The following LSAMP variants were observed in gnomAD, a reference collection of about 807,000 sequenced individuals.
LSAMP encodes the protein limbic system-associated membrane protein.
A neutral mutation model predicts 38.6 loss-of-function variants in LSAMP; 7 were observed. That is an observed-to-expected ratio of 0.18 (90% confidence interval 0.10 to 0.34). The LOEUF (loss-of-function observed/expected upper bound fraction) is 0.34, where lower values mean the gene tolerates loss of function less well. Ranked by LOEUF, LSAMP falls within the 10% of genes least tolerant of loss-of-function variation. The pLI, the probability that LSAMP is intolerant of heterozygous loss-of-function variation, is 1.00. For synonymous variants in LSAMP, 154 were observed against 166.8 expected (o/e 0.92, Z 0.59); for missense variants, 313 against 420.0 (o/e 0.75, Z 2.23).
chr3:115,882,709 C>T (rs1286223304), intron 3 of LSAMP, among the ~76,000 whole-genome samples: 3 of 151,948 alleles, frequency 2.0e-5, no homozygotes, highest in African/African-American at 7.2e-5. Flanking sequence ...AAAGAAAGGA[C>T]TACTTTACTG....
chr3:116,117,954 GTTTTTC>G (rs1446148371), intron 1 of LSAMP, among the ~76,000 whole-genome samples: 3 of 151,076 alleles, frequency 2.0e-5, no homozygotes, highest in Admixed American at 2.0e-4. Context: ...TTTTAAGATT[GTTTTTC>G]TTTTGAGTCA....
At chr3:116,384,555 A>G (rs932197224) in intron 1 of LSAMP, among the ~76,000 whole-genome samples, 2 of 152,124 alleles carry the variant, frequency 1.3e-5, no homozygotes, top group Non-Finnish European at 2.9e-5. Flanking sequence ...AATTAGACCC[A>G]TTAGCCTAGG....
At chr3:116,285,297 C>T (rs2047179245) in intron 1 of LSAMP, among the ~76,000 whole-genome samples, 1 of 152,118 alleles carries the variant, frequency 6.6e-6, no homozygotes, top group Non-Finnish European at 1.5e-5. Flanking sequence ...TATGTCTCTA[C>T]AGGAGGTGAT....
chr3:116,095,389 A>G (rs1166945672), intron 1 of LSAMP, among the ~76,000 whole-genome samples: 1 of 152,248 alleles, frequency 6.6e-6, no homozygotes, highest in Non-Finnish European at 1.5e-5. Context: ...ATGCATTGTT[A>G]TATATGATAC....
intron 1 of LSAMP, among the ~76,000 whole-genome samples, chr3:116,299,938 T>C (rs1037611966): frequency 6.6e-6 from 1 of 152,172 alleles, no homozygotes; most frequent in Non-Finnish European, 1.5e-5. Context: ...AATGACCCAC[T>C]TCTTGCCAAC....
intron 1 of LSAMP, among the ~76,000 whole-genome samples, chr3:116,334,293 T>C (rs552453279): frequency 4.4e-4 from 67 of 152,236 alleles, no homozygotes; most frequent in South Asian, 2.7e-3. Context: ...CTTATGTCTT[T>C]ATTCATGAAT....
At chr3:116,371,628 G>A (rs1450012155) in intron 1 of LSAMP, among the ~76,000 whole-genome samples, 1 of 152,080 alleles carries the variant, frequency 6.6e-6, no homozygotes, top group East Asian at 1.9e-4. Flanking sequence ...TCAAGAACAA[G>A]GCAAGGGTGT....
chr3:115,997,741 T>TATAC (rs1939859526), intron 3 of LSAMP, among the ~76,000 whole-genome samples: 1 of 83,866 alleles, frequency 1.2e-5, no homozygotes, highest in Admixed American at 1.3e-4. Context: ...TATATATATA[T>TATAC]ATATATATAT....
intron 3 of LSAMP, among the ~76,000 whole-genome samples, chr3:115,932,243 C>A (rs959192574): frequency 6.6e-6 from 1 of 152,110 alleles, no homozygotes; most frequent in Non-Finnish European, 1.5e-5. Context: ...GAACTTGTGT[C>A]TTACTCCAAA....
intron 1 of LSAMP, among the ~76,000 whole-genome samples, chr3:116,441,358 T>A (rs1479840498): frequency 1.3e-5 from 2 of 152,234 alleles, no homozygotes; most frequent in African/African-American, 4.8e-5. Context: ...TACGCATGTG[T>A]ATGTACGTTT....
chr3:115,863,707 C>G (rs958851948), intron 3 of LSAMP, among the ~76,000 whole-genome samples: 1 of 151,692 alleles, frequency 6.6e-6, no homozygotes, highest in Non-Finnish European at 1.5e-5. Flanking sequence ...TCCTATCCTG[C>G]TTGAATTTCT....
intron 1 of LSAMP, among the ~76,000 whole-genome samples, chr3:116,350,291 C>T (rs925250734): frequency 6.6e-5 from 10 of 152,042 alleles, no homozygotes; most frequent in Non-Finnish European, 1.3e-4. Flanking sequence ...TGCAGAGGTA[C>T]AACTATTGGT....
At chr3:116,379,834 C>T (rs985700488) in intron 1 of LSAMP, among the ~76,000 whole-genome samples, 1 of 151,994 alleles carries the variant, frequency 6.6e-6, no homozygotes, top group Non-Finnish European at 1.5e-5. Context: ...ATAAAAGACG[C>T]TTACTTACAG....
chr3:116,057,262 G>T (rs1160103514), intron 2 of LSAMP, among the ~76,000 whole-genome samples: 1 of 152,182 alleles, frequency 6.6e-6, no homozygotes, highest in Non-Finnish European at 1.5e-5. Flanking sequence ...CCAGGTATTA[G>T]ATTATAGGTA....
chr3:116,330,341 T>C (rs2047832385), intron 1 of LSAMP, among the ~76,000 whole-genome samples: 1 of 152,114 alleles, frequency 6.6e-6, no homozygotes, highest in South Asian at 2.1e-4. Context: ...GGTGTTCCTG[T>C]AACAGCTTGT....
At chr3:115,847,814 C>T (rs1935208929) in intron 4 of LSAMP, among the ~76,000 whole-genome samples, 1 of 152,132 alleles carries the variant, frequency 6.6e-6, no homozygotes, top group Non-Finnish European at 1.5e-5. Context: ...TCTTTCCTTT[C>T]TAAATTACCC....
chr3:116,026,922 G>A (rs916253299), intron 2 of LSAMP, among the ~76,000 whole-genome samples: 2 of 152,084 alleles, frequency 1.3e-5, no homozygotes, highest in Admixed American at 6.5e-5. Flanking sequence ...CCATTGCCAC[G>A]AGAAGAACAT....
At chr3:116,330,685 C>T (rs2047839803) in intron 1 of LSAMP, among the ~76,000 whole-genome samples, 1 of 152,032 alleles carries the variant, frequency 6.6e-6, no homozygotes, top group Non-Finnish European at 1.5e-5. Flanking sequence ...AAAACACAGG[C>T]TCAGAAAAGA....
chr3:116,113,005 AAGAC>A (rs994458296), intron 1 of LSAMP, among the ~76,000 whole-genome samples: 21 of 152,222 alleles, frequency 1.4e-4, no homozygotes, highest in African/African-American at 5.1e-4. Flanking sequence ...CAGATGGAAA[AAGAC>A]AGAAATGTAT....
Sources: allele counts gnomAD v4.1 joint callset (sites outside exome capture counted in the v4.1 genomes callset), GRCh38; gene constraint gnomAD v4.1.1; transcripts MANE v1.5; gene names NCBI Gene and HGNC (gene_info 2026-07-23, HGNC 2026-07-21).